LRRC27: variants seen among roughly 807,000 people sequenced by gnomAD.
LRRC27 encodes leucine-rich repeat-containing protein 27.
A neutral mutation model predicts 55.0 loss-of-function variants in LRRC27; 57 were observed. The ratio of observed to expected loss-of-function variants is 1.04; its 90% confidence interval spans 0.84 to 1.29. The LOEUF (loss-of-function observed/expected upper bound fraction) is 1.29, where lower values mean the gene tolerates loss of function less well. Ranked by LOEUF, LRRC27 falls within the 50% of genes most tolerant of loss-of-function variation. The pLI, the probability that LRRC27 is intolerant of heterozygous loss-of-function variation, is 0.00. For synonymous variants in LRRC27, 278 were observed against 251.9 expected (o/e 1.10, Z -0.98); for missense variants, 721 against 651.5 (o/e 1.11, Z -1.16).
In LRRC27 at chr10:132,381,005, G is replaced by A. The variant is rs1463763731; in HGVS notation, c.*5763G>A. Among the ~76,000 whole-genome samples, 2 of 152,228 alleles carry A rather than the reference G, an allele frequency of 1.3e-5. No homozygotes were observed. The highest frequency in any genetic ancestry group is 2.9e-5 in the Non-Finnish European group (2 of 68,038). ...GAATGCAGCTTTTATGTGGGTATAGGATTGCTGTGTGTGATGGTTCATATT... is the reference window on the plus strand; with the variant it reads ...GAATGCAGCTTTTATGTGGGTATAGAATTGCTGTGTGTGATGGTTCATATT... On this transcript the variant is annotated 3_prime_UTR_variant, in exon 11 of 11. Coordinates refer to ENST00000368614, the MANE Select transcript of LRRC27 (RefSeq NM_030626.3).
intron 9 of LRRC27, among the ~76,000 whole-genome samples, chr10:132,361,917 T>G (rs2068637362): frequency 6.6e-6 from 1 of 151,948 alleles, no homozygotes; most frequent in African/African-American, 2.4e-5. Flanking sequence ...TGCCCTGCCC[T>G]GCCGTGCCCT....
At chr10:132,342,360 G>C (rs1434041369) in intron 4 of LRRC27, 89 bp downstream of exon 4, 2 of 838,474 alleles carry the variant, frequency 2.4e-6, no homozygotes, top group Non-Finnish European at 3.7e-6. Context: ...CATGACAAAG[G>C]AGGGTAAGCT....
intron 9 of LRRC27, among the ~76,000 whole-genome samples, chr10:132,363,919 G>A (rs1394602561): frequency 3.9e-5 from 6 of 152,030 alleles, no homozygotes; most frequent in African/African-American, 1.5e-4. Flanking sequence ...GGCCAACTAG[G>A]TTGTATTAAC....
rs148148049 is a variant in LRRC27 at position 132,344,937 on chromosome 10, C to T, written c.553+287C>T. ...AAACAGTTATCACCTCCAAGCCACC[C>T]GCAGGCGGCTGCTTCAGGAATGACT... is the stretch of plus-strand genomic sequence containing the variant. On this transcript the variant is annotated intron_variant, in intron 5 of 10. Coordinates refer to ENST00000368614, the MANE Select transcript of LRRC27 (RefSeq NM_030626.3). 2.2e-3 allele frequency: 601 copies of T among 269,404 alleles called. 6 individuals are homozygous for T. The highest frequency in any genetic ancestry group is 0.012 in the African/African-American group (569 of 47,078). The allele number at this position is 269,404 out of a possible 1,614,324, so 16.7% of individuals were successfully genotyped here.
At chr10:132,370,425 G>T (rs1031169000) in intron 10 of LRRC27, among the ~76,000 whole-genome samples, 4 of 152,160 alleles carry the variant, frequency 2.6e-5, no homozygotes, top group South Asian at 2.1e-4. Context: ...CCATGAGGTG[G>T]GTCCCTTCAC....
Position 132,365,327 on chromosome 10 carries a change from G to A in LRRC27, c.1290-97G>A, listed in dbSNP as rs1357242032. The A allele has an allele frequency of 2.0e-6, 3 of 1,532,370 alleles. No homozygotes were observed. The African/African-American group carries it at 4.1e-5, about 21-fold the overall frequency. The allele number at this position is 1,532,370 out of a possible 1,614,324, so 94.9% of individuals were successfully genotyped here. A position where few individuals can be genotyped will look rare whatever the true frequency, so the allele number is the denominator to read the frequency against. On this transcript the variant is annotated intron_variant, in intron 9 of 10. Transcript: ENST00000368614. The stretch of plus-strand genomic sequence containing the variant: ...GCCTCAGGACCGCTGTTTGGTCTGG[G>A]AAGAAAGGCACATGCTTTCTCCCTG...
chr10:132,347,320 C>T (rs1282426348), intron 5 of LRRC27, among the ~76,000 whole-genome samples: 2 of 150,116 alleles, frequency 1.3e-5, no homozygotes, highest in African/African-American at 4.9e-5. Flanking sequence ...CTCAGTGGGG[C>T]CTGTGTGGGA....
intron 7 of LRRC27, among the ~76,000 whole-genome samples, chr10:132,353,625 T>C (rs1359764550): frequency 1.3e-5 from 2 of 152,272 alleles, no homozygotes; most frequent in South Asian, 2.1e-4. Flanking sequence ...TCTAGGGCTG[T>C]CCTAGGACAT....
Position 132,351,663 on chromosome 10 carries a change from T to A in LRRC27, c.983T>A (p.Met328Lys). The A allele has an allele frequency of 6.2e-7, 1 of 1,614,104 alleles. No homozygotes were observed. Among genetic ancestry groups the A allele is most frequent in the African/African-American group, 1.3e-5 (1 of 75,056 alleles). ...CCCGACCTCTTGTCACCGTACCAAA[T>A]GGCGATCCGAGCAAAAAGACTGGAA... ...ILPDLLSPYQMAIRAKRLEES... is the reference protein window; with the variant it reads ...ILPDLLSPYQKAIRAKRLEES... Residue 328 changes from methionine (M) to lysine (K), a missense_variant, in exon 7 of 11, where the codon ATG becomes AAG. Coordinates refer to ENST00000368614, the MANE Select transcript of LRRC27 (RefSeq NM_030626.3).
chr10:132,349,337 G>A (rs1051510433), intron 6 of LRRC27, among the ~76,000 whole-genome samples: 3 of 152,174 alleles, frequency 2.0e-5, no homozygotes, highest in East Asian at 1.9e-4. Context: ...GGCATGAAGC[G>A]CTCATGGCCC....
chr10:132,332,113 GAC>G (rs1030090664), upstream of LRRC27: 6 of 205,004 alleles, frequency 2.9e-5, no homozygotes, highest in Admixed American at 6.1e-5. Context: ...GCGCATCACA[GAC>G]ACACTCGCGC....
Position 132,353,129 on chromosome 10 carries a change from G to A in LRRC27, c.1073+1376G>A, listed in dbSNP as rs2068144635. 9 of 1,461,114 alleles carry A rather than the reference G, an allele frequency of 6.2e-6. No homozygotes were observed. In the African/African-American group the frequency reaches 8.5e-5, roughly 14 times the overall value. The allele number at this position is 1,461,114 out of a possible 1,614,324, so 90.5% of individuals were successfully genotyped here. On this transcript the variant is annotated intron_variant, in intron 7 of 10. Coordinates refer to ENST00000368614, the MANE Select transcript of LRRC27 (RefSeq NM_030626.3). ...ACAGCACCCCCGTGCCCCTCACTTGGTGGTTGGCTTTGGCCAGCGGGGGCC... is the reference window on the plus strand; with the variant it reads ...ACAGCACCCCCGTGCCCCTCACTTGATGGTTGGCTTTGGCCAGCGGGGGCC...
chr10:132,364,242 C>G (rs2068795234), intron 9 of LRRC27, among the ~76,000 whole-genome samples: 1 of 151,810 alleles, frequency 6.6e-6, no homozygotes, highest in African/African-American at 2.4e-5. Context: ...GTAAGAGGGT[C>G]TTCGGAGAGG....
intron 4 of LRRC27, 35 bp from the exon 5 acceptor site, chr10:132,344,463 T>C: frequency 6.3e-7 from 1 of 1,590,412 alleles, no homozygotes; most frequent in Non-Finnish European, 8.6e-7. Context: ...GAATGGTATA[T>C]AGAATGCTGA....
At chr10:132,330,152 G>T, upstream of LRRC27, 1 of 373,488 alleles carries the variant, frequency 2.7e-6, no homozygotes, top group Non-Finnish European at 5.1e-6. Context: ...CAATCTGGCT[G>T]GGCAAAAACT....
chr10:132,331,870 T>TGCGC (rs1452187031), upstream of LRRC27: 18 of 1,299,336 alleles, frequency 1.4e-5, no homozygotes, highest in South Asian at 4.2e-5. Context: ...GCCGCGTGCG[T>TGCGC]GCGCAGGCGC....
chr10:132,330,540 C>T, upstream of LRRC27: 4 of 715,970 alleles, frequency 5.6e-6, no homozygotes, highest in South Asian at 4.4e-5. Flanking sequence ...GACAGGGTCT[C>T]GCTGTCACCG....
chr10:132,347,609 G>A (rs879279360), intron 5 of LRRC27, among the ~76,000 whole-genome samples: 5 of 150,448 alleles, frequency 3.3e-5, no homozygotes, highest in Admixed American at 2.0e-4. Flanking sequence ...GGTGCTCCCA[G>A]TGGGGCCTGC....
chr10:132,351,434 G>A, intron 6 of LRRC27, 173 bp from the exon 7 acceptor site: 1 of 727,556 alleles, frequency 1.4e-6, no homozygotes, highest in Non-Finnish European at 2.4e-6. Flanking sequence ...TTCATTACGT[G>A]TCCTGAAATC....
Sources: gnomAD v4.1 joint callset for allele counts (sites outside exome capture counted in the v4.1 genomes callset) on GRCh38, gnomAD v4.1.1 for gene constraint, MANE v1.5 for transcripts, NCBI Gene and HGNC (gene_info 2026-07-23, HGNC 2026-07-21) for gene names.